PDK4: variants seen among roughly 807,000 people sequenced by gnomAD.
PDK4 encodes pyruvate dehydrogenase kinase 4, also known as pyruvate dehydrogenase kinase, isozyme 4.
Under a neutral mutation model 51.7 loss-of-function variants are expected in PDK4, and 43 were observed. The observed-to-expected ratio is 0.83, with a 90% CI of 0.65 to 1.07. PDK4 has a LOEUF of 1.07. Among genes scored for constraint, PDK4 ranks in the 50% least tolerant of loss-of-function variants. PDK4 has a pLI of 0.00. For synonymous variants in PDK4, 170 were observed against 176.6 expected (o/e 0.96, Z 0.30); for missense variants, 498 against 503.5 (o/e 0.99, Z 0.10).
Position 95,592,530 on chromosome 7 carries a change from A to T in PDK4, c.597T>A (p.Asp199Glu). 1 of 1,604,662 alleles carries T rather than the reference A, an allele frequency of 6.2e-7. No individual in the cohort carries two copies. Among genetic ancestry groups the T allele is most frequent in the Non-Finnish European group, 8.5e-7 (1 of 1,171,394 alleles). ...SHIGSIDPNC[D>E]VVAVVQDAFE... The stretch of plus-strand genomic sequence containing the variant: ...ACATACCTTGGACCACTGCTACCAC[A>T]TCACAGTTAGGATCAATGCTTCCAA... Residue 199 changes from aspartate to glutamate, a missense_variant, in exon 5 of 11, where the codon GAT becomes GAA. Physicochemically the swap from Asp to Glu is conservative, Grantham distance 45 (BLOSUM62 2). Coordinates refer to ENST00000005178, the MANE Select transcript of PDK4 (RefSeq NM_002612.4).
At chr7:95,591,926 C>T (rs1268541534) in intron 6 of PDK4, 62 bp downstream of exon 6, 4 of 847,694 alleles carry the variant, frequency 4.7e-6, no homozygotes, top group Admixed American at 2.6e-5. Context: ...TTACAAAAAG[C>T]AATAATATTA....
chr7:95,587,383 G>T, intron 9 of PDK4, 35 bp downstream of exon 9: 1 of 1,217,308 alleles, frequency 8.2e-7, no homozygotes, highest in Non-Finnish European at 1.2e-6. Flanking sequence ...AGAACTAGGT[G>T]GCTGAGATTA....
At chr7:95,587,652 G>T (rs1485079656) in intron 8 of PDK4, 75 bp downstream of exon 8, 8 of 1,221,590 alleles carry the variant, frequency 6.5e-6, no homozygotes, top group Non-Finnish European at 7.2e-6. Context: ...ATTGCAAAAA[G>T]CAGACAGCTT....
chr7:95,593,043 A>G (rs1380294805), intron 3 of PDK4, 99 bp from the exon 4 acceptor site: 15 of 634,960 alleles, frequency 2.4e-5, no homozygotes, highest in Middle Eastern at 2.8e-4. Flanking sequence ...TTTTTGCATT[A>G]CCCATCTGAA....
In PDK4 at chr7:95,587,413, C is replaced by T. The variant is rs1791498278; in HGVS notation, c.981+5G>A. On this transcript the variant is annotated splice_donor_5th_base_variant and intron_variant, in intron 9 of 10. Coordinates refer to ENST00000005178, the MANE Select transcript of PDK4 (RefSeq NM_002612.4). ...AGATTAATTTAGCCATATAATTGTT[C>T]TTACCAAAGGAGCATTCCGGGAATT... The T allele has an allele frequency of 6.5e-7, 1 of 1,535,004 alleles. No individual in the cohort carries two copies. Among genetic ancestry groups the T allele is most frequent in the South Asian group, 1.1e-5 (1 of 89,452 alleles).
intron 2 of PDK4, 118 bp from the exon 3 acceptor site, chr7:95,593,888 TAAA>T: frequency 2.2e-6 from 1 of 453,762 alleles, no homozygotes; most frequent in Non-Finnish European, 3.9e-6. Flanking sequence ...TGTTCAAACT[TAAA>T]ACTTTCCTCC....
chr7:95,588,842 C>T lies in PDK4; in HGVS notation c.771+798G>A, dbSNP rs549240128. 2.0e-5 allele frequency among the ~76,000 whole-genome samples: 3 copies of T among 152,320 alleles called. No homozygotes were observed. In the East Asian group the frequency reaches 5.8e-4, roughly 29 times the overall value. ...GCATGAAAGGATTTGATTCTTAGCA[C>T]CTGGCTGCCTCAGACCAGTAACATC... On this transcript the variant is annotated intron_variant, in intron 7 of 10. Transcript: ENST00000005178.
At chr7:95,592,375 C>T in intron 5 of PDK4, 136 bp downstream of exon 5, 1 of 657,638 alleles carries the variant, frequency 1.5e-6, no homozygotes, top group Non-Finnish European at 2.7e-6. Context: ...AAGCAAAGGA[C>T]CTTGAAGATA....
In PDK4 at chr7:95,587,726, C is replaced by T. The variant is rs111781519; in HGVS notation, c.870+1G>A. On this transcript the variant is annotated splice_donor_variant, in intron 8 of 10. Coordinates refer to ENST00000005178, the MANE Select transcript of PDK4 (RefSeq NM_002612.4). LOFTEE classifies it high-confidence loss of function. ...CCAAAAGGAAAACAGAGAATGGTTA[C>T]CTTAATGGTAAGGTCTTCTTTTCCC... 4 of 1,590,170 alleles carry T rather than the reference C, an allele frequency of 2.5e-6. No homozygotes were observed. Among genetic ancestry groups the T allele is most frequent in the Non-Finnish European group, 3.5e-6 (4 of 1,158,258 alleles).
At chr7:95,595,901 G>C (rs957707654) in intron 1 of PDK4, among the ~76,000 whole-genome samples, 7 of 152,134 alleles carry the variant, frequency 4.6e-5, no homozygotes, top group Non-Finnish European at 1.0e-4. Context: ...CTGGAAGAGC[G>C]GGTCAGAAAG....
chr7:95,591,584 A>G (rs189231217), intron 6 of PDK4, among the ~76,000 whole-genome samples: 274 of 152,214 alleles, frequency 1.8e-3, no homozygotes, highest in African/African-American at 6.3e-3. Flanking sequence ...CTTATTTCTT[A>G]TAGTGAAATT....
At chr7:95,589,018 C>A (rs1024392020) in intron 7 of PDK4, among the ~76,000 whole-genome samples, 3 of 152,184 alleles carry the variant, frequency 2.0e-5, no homozygotes, top group African/African-American at 7.2e-5. Context: ...TACAGGCCTG[C>A]TAGGCAAAGT....
chr7:95,596,281 G>T lies in PDK4; in HGVS notation c.13C>A (p.Arg5Ser), dbSNP rs377403907. The change falls in exon 1 of 11, where the codon CGC (arginine) becomes AGC (serine). Residue 5 changes from arginine to serine, a missense_variant. Physicochemically the swap from Arg to Ser is moderately radical, Grantham distance 110. Transcript: ENST00000005178. The stretch of plus-strand genomic sequence containing the variant: ...GAGCCAGCGCTGCGCAGCACGAAGC[G>T]GGCCGCCTTCATCTTGACGCCCACC... Reference protein sequence around the residue: MKAARFVLRSAGSLN... With the variant: MKAASFVLRSAGSLN... The T allele has an allele frequency of 1.9e-6, 3 of 1,576,000 alleles. No homozygotes were observed. Among genetic ancestry groups the T allele is most frequent in the South Asian group, 2.3e-5 (2 of 86,734 alleles).
Position 95,592,716 on chromosome 7 carries a change from C to G in PDK4, c.529+44G>C, listed in dbSNP as rs745772248. 8 of 1,502,418 alleles carry G rather than the reference C, an allele frequency of 5.3e-6. No homozygotes were observed. In the South Asian group the frequency reaches 9.2e-5, roughly 17 times the overall value. 93.1% of individuals were successfully genotyped at this position (1,502,418 alleles called of 1,614,324 possible). On this transcript the variant is annotated intron_variant, in intron 4 of 10. Coordinates refer to ENST00000005178, the MANE Select transcript of PDK4 (RefSeq NM_002612.4). The stretch of plus-strand genomic sequence containing the variant: ...ATCTAGTTATAGTATGGCTTATATT[C>G]TACACCCATGTCTATATACCATGAT...
Position 95,587,521 on chromosome 7 carries a change from T to C in PDK4, c.878A>G (p.Asp293Gly). Residue 293 changes from aspartate to glycine, a missense_variant, in exon 9 of 11, where the codon GAC (aspartate) becomes GGC (glycine). Physicochemically the swap from Asp to Gly is moderately conservative, Grantham distance 94 (BLOSUM62 -1). Transcript: ENST00000005178. ...GKEDLTIKIS[D>G]RGGGVPLRII... is the part of the protein sequence containing the mutation. Reference sequence around the variant, plus strand: ...TCTCAGGGGAACACCACCTCCTCTGTCTGAAATCTAAAACAAACAAACAAG... The same window carrying C: ...TCTCAGGGGAACACCACCTCCTCTGCCTGAAATCTAAAACAAACAAACAAG... The C allele has an allele frequency of 6.3e-7, 1 of 1,587,006 alleles. No individual in the cohort carries two copies.
chr7:95,590,202 T>C (rs1032577461), intron 6 of PDK4, among the ~76,000 whole-genome samples: 7 of 152,224 alleles, frequency 4.6e-5, no homozygotes, highest in African/African-American at 1.7e-4. Flanking sequence ...CAAAATTTTA[T>C]GTATTTTAAG....
chr7:95,588,082 A>G (rs1791509381), intron 7 of PDK4, among the ~76,000 whole-genome samples: 1 of 152,140 alleles, frequency 6.6e-6, no homozygotes, highest in Non-Finnish European at 1.5e-5. Flanking sequence ...CTAGCTGTCA[A>G]GTTCTTATTT....
chr7:95,587,583 T>A, intron 8 of PDK4, 55 bp from the exon 9 acceptor site: 1 of 1,304,692 alleles, frequency 7.7e-7, no homozygotes. Context: ...TGTGCATTTG[T>A]CTAAATAAAA....
rs73430146 is a variant in PDK4 at position 95,585,835 on chromosome 7, T to C, written c.1096-54A>G. The C allele has an allele frequency of 3.7e-3, 5,541 of 1,500,676 alleles. 163 individuals carry two copies. In the African/African-American group the frequency reaches 0.066, roughly 18 times the overall value. 93.0% of individuals were successfully genotyped at this position (1,500,676 alleles called of 1,614,324 possible). A position where few individuals can be genotyped will look rare whatever the true frequency, so the allele number is the denominator to read the frequency against. ...ACCAAAGAAATTATGCATGGCATAA[T>C]TTGCACTTGAAGTTATTACTCAAAA... is the stretch of plus-strand genomic sequence containing the variant. On this transcript the variant is annotated intron_variant, in intron 10 of 10. Transcript: ENST00000005178.
Sources: gnomAD v4.1 joint callset for allele counts (sites outside exome capture counted in the v4.1 genomes callset) on GRCh38, gnomAD v4.1.1 for gene constraint, MANE v1.5 for transcripts, NCBI Gene and HGNC (gene_info 2026-07-23, HGNC 2026-07-21) for gene names.